WDR37: variants seen among roughly 807,000 people sequenced by gnomAD.
The protein encoded by WDR37 is WD repeat-containing protein 37.
Under a neutral mutation model 62.9 loss-of-function variants are expected in WDR37, and 19 were observed. That is an observed-to-expected ratio of 0.30 (90% CI 0.21 to 0.44). The LOEUF is 0.44. Ranked by LOEUF, WDR37 falls within the 20% of genes least tolerant of loss-of-function variation. WDR37 has a pLI of 1.00. For synonymous variants in WDR37, 250 were observed against 260.9 expected (o/e 0.96, Z 0.40); for missense variants, 474 against 657.6 (o/e 0.72, Z 3.05).
chr10:1,086,141 G>A (rs1589093811), intron 6 of WDR37, 145 bp from the exon 7 acceptor site: 1 of 615,900 alleles, frequency 1.6e-6, no homozygotes, highest in Non-Finnish European at 2.8e-6. Flanking sequence ...ATCAATTGAA[G>A]CATACAGAGT....
rs371748777 is a variant in WDR37 at position 1,084,465 on chromosome 10, C to T, written c.459C>T (p.Ile153=). The change falls in exon 6 of 14, where the codon ATC becomes ATT. Residue 153 remains isoleucine, a synonymous_variant. Coordinates refer to ENST00000263150, the MANE Select transcript of WDR37 (RefSeq NM_014023.4). ...CCTGCCAGCTCGTGAAGGAGTACAT[C>T]GGCCACCGGGACGGCATCTGGGATG... ...RAACQLVKEY[I]GHRDGIWDVS... 21 of 1,614,092 alleles carry T rather than the reference C, an allele frequency of 1.3e-5. No individual in the cohort carries two copies. Among genetic ancestry groups the T allele is most frequent in the African/African-American group, 2.7e-5 (2 of 74,926 alleles).
intron 2 of WDR37, among the ~76,000 whole-genome samples, chr10:1,074,962 C>T (rs1279308235): frequency 1.3e-5 from 2 of 152,244 alleles, no homozygotes; most frequent in Non-Finnish European, 2.9e-5. Context: ...CGTGCAGGTG[C>T]TTTCAGGTGT....
intron 13 of WDR37, among the ~76,000 whole-genome samples, chr10:1,125,288 G>A (rs999534801): frequency 6.6e-6 from 1 of 151,624 alleles, no homozygotes; most frequent in Non-Finnish European, 1.5e-5. Flanking sequence ...ATGATCTCAC[G>A]GCAACCTCTG....
intron 1 of WDR37, among the ~76,000 whole-genome samples, chr10:1,060,840 AAATAG>A (rs1372772187): frequency 6.6e-6 from 1 of 151,876 alleles, no homozygotes; most frequent in East Asian, 1.9e-4. Context: ...TTAGGTACAC[AAATAG>A]ATACCATTGT....
intron 12 of WDR37, 24 bp downstream of exon 12, chr10:1,124,376 T>G (rs2131693210): frequency 6.2e-7 from 1 of 1,613,888 alleles, no homozygotes; most frequent in East Asian, 2.2e-5. Flanking sequence ...GTTGGTTAAG[T>G]AAGTGGCTTA....
At chr10:1,079,890 C>T (rs1833978210) in intron 3 of WDR37, 121 bp from the exon 4 acceptor site, 1 of 711,114 alleles carries the variant, frequency 1.4e-6, no homozygotes, top group South Asian at 1.9e-5. Flanking sequence ...GAATATTATT[C>T]ATGTCTTTGT....
At chr10:1,094,037 C>T (rs905275614) in intron 8 of WDR37, among the ~76,000 whole-genome samples, 1 of 152,144 alleles carries the variant, frequency 6.6e-6, no homozygotes, top group Non-Finnish European at 1.5e-5. Flanking sequence ...AGGACTTTTC[C>T]TGTGAGATTG....
At position 1,065,331 on chromosome 10, in the gene WDR37, A is replaced by G. The variant is rs144706858; in HGVS notation, c.-40-6785A>G. ...AACTGGTAAAATGTTGATAATCAGT[A>G]GACTACAATAAGCTGTAAATGTATA... is the stretch of plus-strand genomic sequence containing the variant. On this transcript the variant is annotated intron_variant, in intron 1 of 13. Transcript: ENST00000263150. 4.5e-3 allele frequency among the ~76,000 whole-genome samples: 679 copies of G among 152,360 alleles called. 3 individuals carry two copies. The highest frequency in any genetic ancestry group is 0.041 in the Middle Eastern group (12 of 294).
intron 1 of WDR37, among the ~76,000 whole-genome samples, 179 bp downstream of exon 1, chr10:1,057,147 C>T (rs1315682017): frequency 6.6e-6 from 1 of 151,842 alleles, no homozygotes; most frequent in Non-Finnish European, 1.5e-5. Flanking sequence ...GGGTCGGGTC[C>T]CTGGAGGACC....
chr10:1,131,838 C>T lies in WDR37; in HGVS notation c.*2494C>T, dbSNP rs138557881. 9.2e-5 allele frequency: 14 copies of T among 152,470 alleles called. No homozygotes were observed. The highest frequency in any genetic ancestry group is 1.5e-4 in the Non-Finnish European group (10 of 68,018). 9.4% of individuals were successfully genotyped at this position (152,470 alleles called of 1,614,324 possible). A position where few individuals can be genotyped will look rare whatever the true frequency, so the allele number is the denominator to read the frequency against. On this transcript the variant is annotated 3_prime_UTR_variant, in exon 14 of 14. Transcript: ENST00000263150. The stretch of plus-strand genomic sequence containing the variant: ...GTCCAGAATTTCATTTAATGATAGA[C>T]GGAAAATGTGTGGTTACTGAAAACT...
intron 7 of WDR37, among the ~76,000 whole-genome samples, chr10:1,089,086 A>C (rs956745260): frequency 6.6e-6 from 1 of 151,964 alleles, no homozygotes; most frequent in Non-Finnish European, 1.5e-5. Context: ...GTTGTCCTTC[A>C]AGGGTGTGTC....
At chr10:1,067,094 A>G (rs1833578199) in intron 1 of WDR37, among the ~76,000 whole-genome samples, 1 of 152,110 alleles carries the variant, frequency 6.6e-6, no homozygotes. Flanking sequence ...AAGGATAAAT[A>G]TGTAGATCGG....
chr10:1,088,474 G>A (rs773393106), intron 7 of WDR37, among the ~76,000 whole-genome samples: 6 of 152,050 alleles, frequency 3.9e-5, no homozygotes, highest in African/African-American at 1.2e-4. Flanking sequence ...GTTTTGTCTC[G>A]GAGTAGAGAG....
At chr10:1,125,211 C>G (rs1403323962) in intron 13 of WDR37, 187 bp downstream of exon 13, 4 of 670,668 alleles carry the variant, frequency 6.0e-6, no homozygotes, top group Non-Finnish European at 7.4e-6. Flanking sequence ...TATTCCACAC[C>G]TACTTCAGTG....
At chr10:1,091,904 G>A (rs934138338) in intron 7 of WDR37, among the ~76,000 whole-genome samples, 6 of 152,180 alleles carry the variant, frequency 3.9e-5, no homozygotes, top group Admixed American at 6.5e-5. Flanking sequence ...TGATAGGCCG[G>A]GCGCGGTGGC....
chr10:1,066,208 C>A (rs1330109697), intron 1 of WDR37, among the ~76,000 whole-genome samples: 1 of 152,110 alleles, frequency 6.6e-6, no homozygotes, highest in Non-Finnish European at 1.5e-5. Context: ...CTCCGCCTCC[C>A]GGGTTGATGC....
chr10:1,065,107 A>G (rs1405582064), intron 1 of WDR37, among the ~76,000 whole-genome samples: 2 of 152,262 alleles, frequency 1.3e-5, no homozygotes, highest in Non-Finnish European at 2.9e-5. Flanking sequence ...ATGTGGGAAC[A>G]TCAGGAGGGA....
At chr10:1,072,397 C>A in intron 2 of WDR37, 104 bp downstream of exon 2, 4 of 1,461,260 alleles carry the variant, frequency 2.7e-6, no homozygotes, top group South Asian at 1.3e-5. Flanking sequence ...CGCTCACAAC[C>A]TCCACCTCCT....
intron 1 of WDR37, among the ~76,000 whole-genome samples, 183 bp from the exon 2 acceptor site, chr10:1,071,933 T>A (rs549865450): frequency 1.6e-4 from 25 of 152,232 alleles, no homozygotes; most frequent in Non-Finnish European, 3.4e-4. Flanking sequence ...AAGAAATTAC[T>A]TCTTTAATAA....
Sources: allele counts gnomAD v4.1 joint callset (sites outside exome capture counted in the v4.1 genomes callset), GRCh38; gene constraint gnomAD v4.1.1; transcripts MANE v1.5; gene names NCBI Gene and HGNC (gene_info 2026-07-23, HGNC 2026-07-21).